Variants in COPS4 observed in about 807,000 individuals in gnomAD.
COPS4 encodes the protein COP9 signalosome subunit 4.
A neutral mutation model predicts 55.1 loss-of-function variants in COPS4; 8 were observed. That is an observed-to-expected ratio of 0.15 (90% CI 0.09 to 0.26). The LOEUF is 0.26. Among genes scored for constraint, COPS4 ranks in the 10% least tolerant of loss-of-function variants. The pLI is 1.00. For synonymous variants in COPS4, 185 were observed against 165.7 expected, an observed-to-expected ratio of 1.12 and a Z score of -0.90; for missense variants, 248 against 484.0, an observed-to-expected ratio of 0.51 and a Z score of 4.58.
chr4:83,057,348 G>A lies in COPS4; in HGVS notation c.655G>A (p.Glu219Lys). Reference sequence around the variant, plus strand: ...GCTCTCTTACAAGACAATAGTCCACGAAAGTGAAAGACTAGAGGCCTTAAA... The same window carrying A: ...GCTCTCTTACAAGACAATAGTCCACAAAAGTGAAAGACTAGAGGCCTTAAA... ...NELSYKTIVH[E>K]SERLEALKHA... The change falls in exon 6 of 10, where the codon GAA (glutamate) becomes AAA (lysine). Residue 219 changes from glutamate (E) to lysine (K), a missense_variant. By Grantham distance (56) the Glu-to-Lys change is moderately conservative. Around this residue, in one of 4 missense-constraint regions of COPS4, gnomAD observed 155 missense variants for 326.6 expected, o/e 0.47. Transcript: ENST00000264389. 2 of 1,613,264 alleles carry A rather than the reference G, an allele frequency of 1.2e-6. No homozygotes were observed. The highest frequency in any genetic ancestry group is 1.7e-6 in the Non-Finnish European group (2 of 1,179,740).
chr4:83,075,163 TTC>T (rs1438425880), intron 9 of COPS4, 132 bp from the exon 10 acceptor site: 7 of 695,382 alleles, frequency 1.0e-5, no homozygotes, highest in Non-Finnish European at 7.0e-6. Context: ...AATAGCTTTT[TTC>T]TGTTTTTTAG....
At position 83,069,594 on chromosome 4, in the gene COPS4, T is replaced by A. The variant is rs145359102; in HGVS notation, c.1087+1072T>A. 3.0e-3 allele frequency among the ~76,000 whole-genome samples: 455 copies of A among 152,308 alleles called. 2 individuals carry two copies. The highest frequency in any genetic ancestry group is 9.6e-3 in the African/African-American group (400 of 41,576). ...TATTTCAGGTTTGGTTTTTCTTAAA[T>A]CTCTGACTTTTCTCCCCATTTATTC... On this transcript the variant is annotated intron_variant, in intron 9 of 9. Transcript: ENST00000264389.
At chr4:83,042,880 CAGGCATG>C (rs1186550432) in intron 1 of COPS4, among the ~76,000 whole-genome samples, 1 of 151,610 alleles carries the variant, frequency 6.6e-6, no homozygotes, top group Non-Finnish European at 1.5e-5. Flanking sequence ...GCTGGGATTA[CAGGCATG>C]AGCCACCACG....
At position 83,049,861 on chromosome 4, in the gene COPS4, A is replaced by C. The variant is rs1413578704; in HGVS notation, c.307-20A>C. On this transcript the variant is annotated intron_variant, in intron 3 of 9. Coordinates refer to ENST00000264389, the MANE Select transcript of COPS4 (RefSeq NM_016129.3). ...CTAATGTCAGTTGAAATAATTTGAC[A>C]TGTATACCTATTATTCCAGGTTGCT... The C allele has an allele frequency of 1.5e-6, 2 of 1,367,164 alleles. No homozygotes were observed. The highest frequency in any genetic ancestry group is 1.0e-6 in the Non-Finnish European group (1 of 985,414). The allele number at this position is 1,367,164 out of a possible 1,614,324, so 84.7% of individuals were successfully genotyped here. A position where few individuals can be genotyped will look rare whatever the true frequency, so the allele number is the denominator to read the frequency against.
At chr4:83,064,160 G>A (rs551080869) in intron 7 of COPS4, among the ~76,000 whole-genome samples, 99 of 152,144 alleles carry the variant, frequency 6.5e-4, no homozygotes, top group African/African-American at 1.9e-3. Flanking sequence ...ACATAGTGAG[G>A]CCTCATCTCT....
At chr4:83,049,338 T>A (rs749435545) in intron 3 of COPS4, 21 bp downstream of exon 3, 5 of 1,554,516 alleles carry the variant, frequency 3.2e-6, no homozygotes, top group Non-Finnish European at 4.3e-6. Flanking sequence ...AGAGAAGTGG[T>A]TTTTTAACTT....
chr4:83,047,767 G>A lies in COPS4; in HGVS notation c.155-1399G>A, dbSNP rs191154616. On this transcript the variant is annotated intron_variant, in intron 2 of 9. Coordinates refer to ENST00000264389, the MANE Select transcript of COPS4 (RefSeq NM_016129.3). Reference sequence around the variant, plus strand: ...TGTAGTCCCAGCACTTTGGGAGACCGAGATGGGCGGATCACGAGGTCAGGA... The same window carrying A: ...TGTAGTCCCAGCACTTTGGGAGACCAAGATGGGCGGATCACGAGGTCAGGA... 6.9e-3 allele frequency among the ~76,000 whole-genome samples: 1,047 copies of A among 152,296 alleles called. 10 individuals are homozygous for A. Among genetic ancestry groups the A allele is most frequent in the African/African-American group, 0.023 (966 of 41,560 alleles).
chr4:83,065,184 G>C (rs780759093), intron 7 of COPS4: 19 of 464,238 alleles, frequency 4.1e-5, no homozygotes, highest in African/African-American at 2.6e-4. Flanking sequence ...CTGCTTTTTT[G>C]AACATATTAA....
chr4:83,060,773 G>A (rs1178044228), intron 6 of COPS4, among the ~76,000 whole-genome samples: 2 of 151,152 alleles, frequency 1.3e-5, no homozygotes, highest in African/African-American at 4.9e-5. Flanking sequence ...GGTGGCTCAC[G>A]CCTGTAATCC....
intron 1 of COPS4, among the ~76,000 whole-genome samples, chr4:83,039,942 C>A (rs1467835857): frequency 6.6e-6 from 1 of 152,132 alleles, no homozygotes; most frequent in African/African-American, 2.4e-5. Context: ...TGGCCTGTAT[C>A]TCTTTAAATG....
intron 6 of COPS4, among the ~76,000 whole-genome samples, chr4:83,062,603 C>T (rs937434868): frequency 3.0e-4 from 45 of 152,290 alleles, no homozygotes; most frequent in African/African-American, 1.0e-3. Flanking sequence ...TTCACACTTC[C>T]GTTCTGTTAC....
At chr4:83,070,572 A>AAGTGC (rs1272016241) in intron 9 of COPS4, among the ~76,000 whole-genome samples, 1 of 152,158 alleles carries the variant, frequency 6.6e-6, no homozygotes, top group Non-Finnish European at 1.5e-5. Flanking sequence ...AAAATCCCTG[A>AAGTGC]AGTGCTGGGA....
intron 2 of COPS4, 70 bp from the exon 3 acceptor site, chr4:83,049,096 G>C (rs1730793129): frequency 2.1e-6 from 3 of 1,429,314 alleles, no homozygotes; most frequent in Non-Finnish European, 1.9e-6. Context: ...TTAATTTTAA[G>C]TAAAGGTTGA....
chr4:83,059,835 G>A (rs1307162306), intron 6 of COPS4, among the ~76,000 whole-genome samples: 7 of 150,284 alleles, frequency 4.7e-5, no homozygotes, highest in Non-Finnish European at 8.9e-5. Flanking sequence ...TGAGTAGCTG[G>A]GACTGCAGGC....
In COPS4 at chr4:83,075,574, C is replaced by A; in HGVS notation, c.*144C>A. 1 of 832,578 alleles carries A rather than the reference C, an allele frequency of 1.2e-6. No individual in the cohort carries two copies. The highest frequency in any genetic ancestry group is 1.8e-6 in the Non-Finnish European group (1 of 561,492). 51.6% of individuals were successfully genotyped at this position (832,578 alleles called of 1,614,324 possible). A position where few individuals can be genotyped will look rare whatever the true frequency, so the allele number is the denominator to read the frequency against. On this transcript the variant is annotated 3_prime_UTR_variant, in exon 10 of 10. Coordinates refer to ENST00000264389, the MANE Select transcript of COPS4 (RefSeq NM_016129.3). The stretch of plus-strand genomic sequence containing the variant: ...CCGTTTAAAGAAGACATTATTAGAG[C>A]AGGAAGTACAAGCATTTAAAATATG...
chr4:83,055,762 C>T (rs1730997984), intron 4 of COPS4, among the ~76,000 whole-genome samples: 1 of 151,886 alleles, frequency 6.6e-6, no homozygotes, highest in Non-Finnish European at 1.5e-5. Context: ...CATTTTTATG[C>T]ACCACAACTT....
intron 1 of COPS4, among the ~76,000 whole-genome samples, chr4:83,043,455 G>A (rs1017065903): frequency 6.7e-5 from 9 of 134,054 alleles, no homozygotes; most frequent in African/African-American, 2.6e-4. Context: ...GGAATTGGAG[G>A]TTACAGTGAG....
At chr4:83,069,777 A>G (rs1272101527) in intron 9 of COPS4, among the ~76,000 whole-genome samples, 1 of 152,060 alleles carries the variant, frequency 6.6e-6, no homozygotes, top group African/African-American at 2.4e-5. Flanking sequence ...ATAGATGTGA[A>G]TCTTTTTCTT....
At chr4:83,060,000 CGA>C (rs2126132408) in intron 6 of COPS4, among the ~76,000 whole-genome samples, 1 of 152,080 alleles carries the variant, frequency 6.6e-6, no homozygotes, top group East Asian at 1.9e-4. Flanking sequence ...CGCACCCGGC[CGA>C]AACAGCTCCA....
Sources: gnomAD v4.1 joint callset for allele counts (sites outside exome capture counted in the v4.1 genomes callset) on GRCh38, gnomAD v4.1.1 for gene constraint, gnomAD v4.1.1 regional missense constraint, MANE v1.5 for transcripts, NCBI Gene and HGNC (gene_info 2026-07-23, HGNC 2026-07-21) for gene names.